Variants in ATP8A1 observed in about 807,000 individuals in gnomAD.
ATP8A1 encodes ATPase phospholipid transporting 8A1, also known as phospholipid-transporting ATPase IA.
ATP8A1 carries 90 observed loss-of-function variants against 177.7 expected under a neutral mutation model. The ratio of observed to expected loss-of-function variants is 0.51; its 90% confidence interval spans 0.43 to 0.60. The LOEUF (loss-of-function observed/expected upper bound fraction) is 0.60. ATP8A1 is among the 20% of genes least tolerant of loss of function. The pLI, the probability that ATP8A1 is intolerant of heterozygous loss-of-function variation, is 0.00. For missense variants in ATP8A1, 1,072 were observed against 1,392.8 expected, an observed-to-expected ratio of 0.77 and a Z score of 3.67; for synonymous variants, 493 against 485.9, an observed-to-expected ratio of 1.01 and a Z score of -0.19.
At chr4:42,646,298 G>C (rs3849586) in intron 1 of ATP8A1, among the ~76,000 whole-genome samples, 45,666 of 152,044 alleles carry the variant, frequency 0.3, 7,020 homozygotes, top group African/African-American at 0.35. Context: ...TAAGCTGCTG[G>C]GACAGGCACT....
chr4:42,557,655 C>T (rs1730381164), intron 15 of ATP8A1, among the ~76,000 whole-genome samples: 1 of 152,128 alleles, frequency 6.6e-6, no homozygotes, highest in African/African-American at 2.4e-5. Flanking sequence ...CATGGACATA[C>T]CCCATTTTCC....
Position 42,615,939 on chromosome 4 carries a change from CA to C in ATP8A1, c.409+93del. The C allele has an allele frequency of 2.5e-6, 3 of 1,183,068 alleles. No individual in the cohort carries two copies. The South Asian group carries it at 4.4e-5, about 17-fold the overall frequency. The allele number at this position is 1,183,068 out of a possible 1,614,324, so 73.3% of individuals were successfully genotyped here. A position where few individuals can be genotyped will look rare whatever the true frequency, so the allele number is the denominator to read the frequency against. ...CCCCAAAACAAAAACTTGAGATGCA[CA>C]CTATTTGCAATTGAATTATATGTAA... On this transcript the variant is annotated intron_variant, in intron 5 of 36. Coordinates refer to ENST00000381668, the MANE Select transcript of ATP8A1 (RefSeq NM_006095.2).
chr4:42,409,512 TG>T lies in ATP8A1; in HGVS notation c.*3403del, dbSNP rs1416008474. The T allele has an allele frequency of 6.6e-6, 1 of 152,170 alleles. No individual in the cohort carries two copies. Among genetic ancestry groups the T allele is most frequent in the African/African-American group, 2.4e-5 (1 of 41,456 alleles). 9.4% of individuals were successfully genotyped at this position (152,170 alleles called of 1,614,324 possible). A position where few individuals can be genotyped will look rare whatever the true frequency, so the allele number is the denominator to read the frequency against. On this transcript the variant is annotated 3_prime_UTR_variant, in exon 37 of 37. Coordinates refer to ENST00000381668, the MANE Select transcript of ATP8A1 (RefSeq NM_006095.2). ...CTTAAGTCATTTACAAAAGAATTCC[TG>T]GTCCATGTGATGTGAATGGGCTGGG...
rs1338879181 is a variant in ATP8A1, at chr4:42,508,815, T to C, written c.1948-1661A>G. Among the ~76,000 whole-genome samples, 5 of 152,186 alleles carry C rather than the reference T, an allele frequency of 3.3e-5. No individual in the cohort carries two copies. In the East Asian group the frequency reaches 9.6e-4, roughly 29 times the overall value. ...AAAATATAGGTGAGGGCAGAATGGATGCAAGGGAATGAATGCAAGGGAAAG... is the reference window on the plus strand; with the variant it reads ...AAAATATAGGTGAGGGCAGAATGGACGCAAGGGAATGAATGCAAGGGAAAG... On this transcript the variant is annotated intron_variant, in intron 22 of 36. Transcript: ENST00000381668.
chr4:42,441,983 T>TCTCA (rs1267743139), intron 33 of ATP8A1, among the ~76,000 whole-genome samples: 1 of 152,098 alleles, frequency 6.6e-6, no homozygotes, highest in African/African-American at 2.4e-5. Context: ...TCACCATGAG[T>TCTCA]CTCAAGAGAC....
intron 16 of ATP8A1, among the ~76,000 whole-genome samples, chr4:42,553,917 G>A (rs1160319973): frequency 1.3e-5 from 2 of 152,028 alleles, no homozygotes; most frequent in African/African-American, 4.8e-5. Flanking sequence ...ATGAAGAATT[G>A]AGCAAAGTGC....
intron 25 of ATP8A1, among the ~76,000 whole-genome samples, chr4:42,477,806 T>C (rs1338322725): frequency 1.9e-5 from 2 of 103,054 alleles, no homozygotes; most frequent in Non-Finnish European, 4.2e-5. Flanking sequence ...ACCCTGTCTC[T>C]AAAAAAAAAA....
chr4:42,479,998 G>GTGTGTGTGTC (rs1553883652), intron 25 of ATP8A1, among the ~76,000 whole-genome samples: 38 of 144,826 alleles, frequency 2.6e-4, no homozygotes, highest in African/African-American at 9.8e-4. Flanking sequence ...AGTTCTGCTT[G>GTGTGTGTGTC]TGTGTGTGTG....
At chr4:42,544,423 T>C (rs1315083434) in intron 19 of ATP8A1, among the ~76,000 whole-genome samples, 1 of 152,186 alleles carries the variant, frequency 6.6e-6, no homozygotes, top group East Asian at 1.9e-4. Context: ...CCATCACACA[T>C]GAAGGCAAAT....
At position 42,575,696 on chromosome 4, in the gene ATP8A1, G is replaced by T. The variant is rs765859006; in HGVS notation, c.1132C>A (p.Leu378Ile). 1 of 1,612,210 alleles carries T rather than the reference G, an allele frequency of 6.2e-7. No individual in the cohort carries two copies. The highest frequency in any genetic ancestry group is 8.5e-7 in the Non-Finnish European group (1 of 1,178,854). ...TCTGTGGGTTCATAGTGCATGTCAAGATCCTTTAATAAAATTAAGTAAATC... is the reference window on the plus strand; with the variant it reads ...TCTGTGGGTTCATAGTGCATGTCAATATCCTTTAATAAAATTAAGTAAATC... ...FTQAYFINWD[L>I]DMHYEPTDTA... Residue 378 changes from leucine to isoleucine, a missense_variant, in exon 13 of 37, where the codon CTT becomes ATT. Physicochemically the swap from Leu to Ile is conservative, Grantham distance 5 (BLOSUM62 2). Coordinates refer to ENST00000381668, the MANE Select transcript of ATP8A1 (RefSeq NM_006095.2).
At chr4:42,575,531 G>A (rs1323779695) in intron 13 of ATP8A1, 91 bp downstream of exon 13, 1 of 962,552 alleles carries the variant, frequency 1.0e-6, no homozygotes, top group Non-Finnish European at 1.6e-6. Flanking sequence ...ATTAAAAGCT[G>A]TCCATTCATC....
intron 33 of ATP8A1, among the ~76,000 whole-genome samples, chr4:42,434,177 G>A (rs2153171628): frequency 6.6e-6 from 1 of 152,108 alleles, no homozygotes; most frequent in African/African-American, 2.4e-5. Flanking sequence ...GACAGTATTA[G>A]TAAAAAAAAT....
chr4:42,649,145 C>T (rs1259274787), intron 1 of ATP8A1, among the ~76,000 whole-genome samples: 1 of 152,072 alleles, frequency 6.6e-6, no homozygotes, highest in Non-Finnish European at 1.5e-5. Context: ...AAATGTCCAC[C>T]CACAGGGTTC....
chr4:42,611,139 A>T (rs548473754), intron 5 of ATP8A1, among the ~76,000 whole-genome samples: 3 of 152,330 alleles, frequency 2.0e-5, no homozygotes, highest in Middle Eastern at 3.4e-3. Context: ...AATGGTTTCC[A>T]GTGGGAGATA....
chr4:42,487,807 T>C (rs190608241), intron 24 of ATP8A1, among the ~76,000 whole-genome samples: 1 of 152,276 alleles, frequency 6.6e-6, no homozygotes, highest in African/African-American at 2.4e-5. Context: ...TAGAACCAAG[T>C]TGTACTATAA....
At chr4:42,524,528 G>A (rs1726481813) in intron 21 of ATP8A1, among the ~76,000 whole-genome samples, 1 of 151,678 alleles carries the variant, frequency 6.6e-6, no homozygotes, top group African/African-American at 2.4e-5. Context: ...ACATTTATAG[G>A]CCCTACCATC....
intron 15 of ATP8A1, among the ~76,000 whole-genome samples, chr4:42,564,312 C>T (rs568194193): frequency 6.6e-6 from 1 of 152,120 alleles, no homozygotes; most frequent in African/African-American, 2.4e-5. Flanking sequence ...TCCTCCAGAC[C>T]CCAGAATGCT....
chr4:42,578,181 C>CT (rs1456651085), intron 12 of ATP8A1, 79 bp downstream of exon 12: 2 of 1,354,082 alleles, frequency 1.5e-6, no homozygotes, highest in East Asian at 2.5e-5. Flanking sequence ...TAATTAAAAC[C>CT]TTTTTTCTCC....
intron 4 of ATP8A1, 36 bp downstream of exon 4, chr4:42,624,500 A>G (rs760991440): frequency 2.6e-6 from 3 of 1,150,892 alleles, no homozygotes; most frequent in Admixed American, 2.7e-5. Flanking sequence ...ATAAATAACA[A>G]AGTCACATAC....
Sources: allele counts gnomAD v4.1 joint callset (sites outside exome capture counted in the v4.1 genomes callset), GRCh38; gene constraint gnomAD v4.1.1; transcripts MANE v1.5; gene names NCBI Gene and HGNC (gene_info 2026-07-23, HGNC 2026-07-21).